The following AZI2 variants were observed in gnomAD, a reference collection of about 807,000 sequenced individuals.
AZI2 encodes the protein 5-azacytidine-induced protein 2.
AZI2 carries 22 observed loss-of-function variants against 45.8 expected under a neutral mutation model. The ratio of observed to expected loss-of-function variants is 0.48; its 90% CI spans 0.34 to 0.69. The LOEUF is 0.69. Ranked by LOEUF, AZI2 falls within the 30% of genes least tolerant of loss-of-function variation. The pLI is 0.01. For missense variants in AZI2, 417 were observed against 441.5 expected (o/e 0.94, Z 0.50); for synonymous variants, 137 against 156.7 (o/e 0.87, Z 0.94).
In AZI2 at chr3:28,340,587, T is replaced by G; in HGVS notation, c.31A>C (p.Ile11Leu). 6.2e-7 allele frequency: 1 copy of G among 1,612,320 alleles called. No homozygotes were observed. The highest frequency in any genetic ancestry group is 8.5e-7 in the Non-Finnish European group (1 of 1,179,204). The change falls in exon 2 of 8, where the codon ATT becomes CTT. Residue 11 changes from isoleucine (I) to leucine (L), a missense_variant. Physicochemically the swap from Ile to Leu is conservative, Grantham distance 5. Transcript: ENST00000479665. MDALVEDDIC[I>L]LNHEKAHKRD... ...TTATGGGCTTTTTCATGATTCAGAA[T>G]ACAGATATCATCTTCTACCAGTGCA... is the stretch of plus-strand genomic sequence containing the variant.
chr3:28,338,660 T>C (rs769469715), intron 2 of AZI2, 45 bp from the exon 3 acceptor site: 15 of 1,544,538 alleles, frequency 9.7e-6, no homozygotes, highest in East Asian at 6.9e-5. Context: ...GAGTATTCTA[T>C]AGATAAAAAA....
Position 28,324,471 on chromosome 3 carries a change from G to C in AZI2, c.767-17C>G. The C allele has an allele frequency of 6.9e-7, 1 of 1,439,106 alleles. No homozygotes were observed. Among genetic ancestry groups the C allele is most frequent in the Non-Finnish European group, 9.2e-7 (1 of 1,088,574 alleles). 89.1% of individuals were successfully genotyped at this position (1,439,106 alleles called of 1,614,324 possible). Reference sequence around the variant, plus strand: ...GGGCACAGGCTAAAAAGAAAACACAGACTAAATGTCAGTTTTCATTACATT... The same window carrying C: ...GGGCACAGGCTAAAAAGAAAACACACACTAAATGTCAGTTTTCATTACATT... On this transcript the variant is annotated splice_polypyrimidine_tract_variant and intron_variant, in intron 7 of 7. Coordinates refer to ENST00000479665, the MANE Select transcript of AZI2 (RefSeq NM_022461.5).
chr3:28,331,596 C>T (rs924725158), intron 6 of AZI2: 18 of 1,069,278 alleles, frequency 1.7e-5, no homozygotes, highest in Non-Finnish European at 2.1e-5. Context: ...GATCATTTCT[C>T]TAAAGCAGGT....
At chr3:28,346,455 T>C (rs1704233208) in intron 1 of AZI2, among the ~76,000 whole-genome samples, 1 of 152,014 alleles carries the variant, frequency 6.6e-6, no homozygotes, top group Non-Finnish European at 1.5e-5. Flanking sequence ...TTATCTCAAG[T>C]CCACACCAAA....
In AZI2 at chr3:28,337,918, T is replaced by C; in HGVS notation, c.439+19A>G. On this transcript the variant is annotated intron_variant, in intron 4 of 7. Transcript: ENST00000479665. Reference sequence around the variant, plus strand: ...TATGTTAATTCTGTTAGAATATTTATAACAAGTAACTGGCATACCCTGCTG... The same window carrying C: ...TATGTTAATTCTGTTAGAATATTTACAACAAGTAACTGGCATACCCTGCTG... 1 of 1,417,924 alleles carries C rather than the reference T, an allele frequency of 7.1e-7. No homozygotes were observed. Among genetic ancestry groups the C allele is most frequent in the East Asian group, 2.4e-5 (1 of 42,004 alleles). 87.8% of individuals were successfully genotyped at this position (1,417,924 alleles called of 1,614,324 possible). A position where few individuals can be genotyped will look rare whatever the true frequency, so the allele number is the denominator to read the frequency against.
chr3:28,340,491 T>C lies in AZI2; in HGVS notation c.127A>G (p.Thr43Ala). The C allele has an allele frequency of 1.2e-6, 2 of 1,613,174 alleles. No individual in the cohort carries two copies. The highest frequency in any genetic ancestry group is 1.7e-6 in the Non-Finnish European group (2 of 1,179,404). The change falls in exon 2 of 8, where the codon ACT becomes GCT. Residue 43 changes from threonine (T) to alanine (A), a missense_variant. Coordinates refer to ENST00000479665, the MANE Select transcript of AZI2 (RefSeq NM_022461.5). ...ESVASHFALVTAYEDIKKRLK... is the reference protein window; with the variant it reads ...ESVASHFALVAAYEDIKKRLK... ...CGTTTTTTGATGTCTTCATATGCAG[T>C]GACAAGAGCAAAATGGGAAGCAACA... is the stretch of plus-strand genomic sequence containing the variant.
At chr3:28,340,912 G>C (rs1231052376) in intron 1 of AZI2, among the ~76,000 whole-genome samples, 2 of 151,918 alleles carry the variant, frequency 1.3e-5, no homozygotes, top group African/African-American at 4.8e-5. Flanking sequence ...TTATTAGTAT[G>C]TTCTATAAAA....
intron 4 of AZI2, chr3:28,337,205 A>G: frequency 4.6e-6 from 1 of 219,608 alleles, no homozygotes; most frequent in Non-Finnish European, 9.0e-6. Context: ...ACTGAGGCTC[A>G]GCTAATCATT....
At position 28,321,143 on chromosome 3, in the gene AZI2, T is replaced by C. The variant is rs1278316143; in HGVS notation, c.*2899A>G. 1 of 151,300 alleles carries C rather than the reference T, an allele frequency of 6.6e-6. No individual in the cohort carries two copies. The highest frequency in any genetic ancestry group is 1.5e-5 in the Non-Finnish European group (1 of 67,528). 9.4% of individuals were successfully genotyped at this position (151,300 alleles called of 1,614,324 possible). ...AGGCCACAGATCAAAAGGAGGGAGA[T>C]TACTAGAGCAGACAAAAGCAAAGCA... On this transcript the variant is annotated 3_prime_UTR_variant, in exon 8 of 8. Coordinates refer to ENST00000479665, the MANE Select transcript of AZI2 (RefSeq NM_022461.5).
intron 7 of AZI2, 183 bp from the exon 8 acceptor site, chr3:28,324,637 CA>C: frequency 4.4e-6 from 2 of 459,048 alleles, no homozygotes. Context: ...AATCCTGGAT[CA>C]GCAATTTACT....
chr3:28,335,507 ACT>A (rs1703755169), intron 5 of AZI2, among the ~76,000 whole-genome samples: 1 of 151,686 alleles, frequency 6.6e-6, no homozygotes, highest in South Asian at 2.1e-4. Context: ...AACCACTTTG[ACT>A]CTAACGGGAG....
intron 6 of AZI2, 67 bp downstream of exon 6, chr3:28,332,302 A>G: frequency 4.4e-6 from 6 of 1,378,672 alleles, no homozygotes; most frequent in South Asian, 2.5e-5. Context: ...AAGAAATCTA[A>G]GGACCTACAC....
At position 28,322,954 on chromosome 3, in the gene AZI2, A is replaced by G. The variant is rs948316631; in HGVS notation, c.*1088T>C. ...CCAAGTAAATCTCCACCCTGAAAGA[A>G]CTTAAATTTCCATGTGAAGCCATCT... On this transcript the variant is annotated 3_prime_UTR_variant, in exon 8 of 8. Coordinates refer to ENST00000479665, the MANE Select transcript of AZI2 (RefSeq NM_022461.5). 2 of 151,130 alleles carry G rather than the reference A, an allele frequency of 1.3e-5. No individual in the cohort carries two copies. Among genetic ancestry groups the G allele is most frequent in the Non-Finnish European group, 3.0e-5 (2 of 67,358 alleles). The allele number at this position is 151,130 out of a possible 1,614,324, so 9.4% of individuals were successfully genotyped here. A position where few individuals can be genotyped will look rare whatever the true frequency, so the allele number is the denominator to read the frequency against.
intron 2 of AZI2, 99 bp from the exon 3 acceptor site, chr3:28,338,714 T>TA: frequency 9.1e-7 from 1 of 1,096,006 alleles, no homozygotes; most frequent in South Asian, 2.1e-5. Flanking sequence ...TCAATCGTAA[T>TA]AAGGGGATAA....
rs375459126 is a variant in AZI2 at position 28,324,452 on chromosome 3, A to G, written c.769T>C (p.Cys257Arg). 1.4e-6 allele frequency: 2 copies of G among 1,462,726 alleles called. No homozygotes were observed. The highest frequency in any genetic ancestry group is 1.8e-6 in the Non-Finnish European group (2 of 1,101,714). 90.6% of individuals were successfully genotyped at this position (1,462,726 alleles called of 1,614,324 possible). A position where few individuals can be genotyped will look rare whatever the true frequency, so the allele number is the denominator to read the frequency against. ...LKTSTAIKKACAPVGCSEDLG... is the reference protein window; with the variant it reads ...LKTSTAIKKARAPVGCSEDLG... ...TCTTCACTGCATCCTACAGGGGCACAGGCTAAAAAGAAAACACAGACTAAA... is the reference window on the plus strand; with the variant it reads ...TCTTCACTGCATCCTACAGGGGCACGGGCTAAAAAGAAAACACAGACTAAA... The change falls in exon 8 of 8, where the codon TGT becomes CGT. Residue 257 changes from cysteine to arginine, a missense_variant and splice_region_variant. By Grantham distance (180) the Cys-to-Arg change is radical. Transcript: ENST00000479665.
At chr3:28,344,231 T>G (rs545434995) in intron 1 of AZI2, among the ~76,000 whole-genome samples, 2 of 152,052 alleles carry the variant, frequency 1.3e-5, no homozygotes, top group Admixed American at 1.3e-4. Context: ...AAATGGAAAA[T>G]TAAAATTTTA....
At chr3:28,337,170 G>A (rs1703826890) in intron 4 of AZI2, 1 of 285,148 alleles carries the variant, frequency 3.5e-6, no homozygotes, top group Admixed American at 4.8e-5. Context: ...GGTTAAAACA[G>A]TGATAAAAAT....
chr3:28,342,719 A>G (rs1437335363), intron 1 of AZI2, among the ~76,000 whole-genome samples: 13 of 73,512 alleles, frequency 1.8e-4, no homozygotes, highest in African/African-American at 2.4e-4. Flanking sequence ...ATGCACACAC[A>G]CACACACACA....
rs149159090 is a variant in AZI2, at chr3:28,332,532, T to C, written c.589-105A>G. On this transcript the variant is annotated intron_variant, in intron 5 of 7. Transcript: ENST00000479665. ...ACATGTTCAGGTTTTACAGAATATATCTGTAAGTGCAAAGAATACAATTAG... is the reference window on the plus strand; with the variant it reads ...ACATGTTCAGGTTTTACAGAATATACCTGTAAGTGCAAAGAATACAATTAG... 137 of 830,882 alleles carry C rather than the reference T, an allele frequency of 1.6e-4. 1 individual carries two copies. In the African/African-American group the frequency reaches 2.2e-3, roughly 13 times the overall value. 51.5% of individuals were successfully genotyped at this position (830,882 alleles called of 1,614,324 possible).
Sources: gnomAD v4.1 joint callset for allele counts (sites outside exome capture counted in the v4.1 genomes callset) on GRCh38, gnomAD v4.1.1 for gene constraint, MANE v1.5 for transcripts, NCBI Gene and HGNC (gene_info 2026-07-23, HGNC 2026-07-21) for gene names.